Variants in MAML3 observed in about 807,000 individuals in gnomAD.
The protein encoded by MAML3 is mastermind like transcriptional coactivator 3, also known as mastermind-like protein 3.
Under a neutral mutation model 101.9 loss-of-function variants are expected in MAML3, and 27 were observed. The ratio of observed to expected loss-of-function variants is 0.27; its 90% CI spans 0.20 to 0.37. The LOEUF (loss-of-function observed/expected upper bound fraction) is 0.37. Ranked by LOEUF, MAML3 falls within the 10% of genes least tolerant of loss-of-function variation. The pLI is 1.00. For missense variants in MAML3, 1,316 were observed against 1,444.9 expected (o/e 0.91, Z 1.45); for synonymous variants, 501 against 555.9 (o/e 0.90, Z 1.39).
chr4:139,864,140 A>C (rs2111169057), intron 2 of MAML3, among the ~76,000 whole-genome samples: 1 of 152,350 alleles, frequency 6.6e-6, no homozygotes, highest in East Asian at 1.9e-4. Context: ...ACTTAATAAC[A>C]TTTGTAAAAG....
chr4:140,010,184 T>C (rs182812134), intron 1 of MAML3, among the ~76,000 whole-genome samples: 2 of 152,348 alleles, frequency 1.3e-5, no homozygotes, highest in African/African-American at 2.4e-5. Flanking sequence ...AAAAAATTAA[T>C]GTGTACCACA....
chr4:140,152,929 C>T lies in MAML3; in HGVS notation c.399G>A (p.Gln133=), dbSNP rs752608208. ...CATCTTGCTGGGGTTTGCTCGGGTG[C>T]TGCTGTTTGCCGGTGCCGGCGCCCG... ...KKSGAGTGKQ[Q]HPSKPQQDAE... The change falls in exon 1 of 5, where the codon CAG becomes CAA. Residue 133 remains glutamine, a synonymous_variant. Transcript: ENST00000509479. 6.2e-7 allele frequency: 1 copy of T among 1,612,854 alleles called. No individual in the cohort carries two copies. The highest frequency in any genetic ancestry group is 1.1e-5 in the South Asian group (1 of 90,974).
At chr4:139,811,750 C>T (rs193081120) in intron 2 of MAML3, among the ~76,000 whole-genome samples, 21 of 152,288 alleles carry the variant, frequency 1.4e-4, no homozygotes, top group African/African-American at 7.2e-5. Context: ...TTACTTCTCA[C>T]ACTCCACAAA....
intron 1 of MAML3, among the ~76,000 whole-genome samples, chr4:140,151,203 G>A (rs1055141655): frequency 6.6e-6 from 1 of 152,056 alleles, no homozygotes; most frequent in Non-Finnish European, 1.5e-5. Context: ...GGAGGAGGAA[G>A]GGAGGAGGAA....
intron 1 of MAML3, among the ~76,000 whole-genome samples, chr4:140,082,981 T>C (rs951058040): frequency 6.6e-6 from 1 of 152,214 alleles, no homozygotes; most frequent in African/African-American, 2.4e-5. Context: ...GGGTGTGCTA[T>C]TACTACTTTT....
chr4:140,108,800 T>A (rs1578688852), intron 1 of MAML3, among the ~76,000 whole-genome samples: 1 of 151,946 alleles, frequency 6.6e-6, no homozygotes, highest in Non-Finnish European at 1.5e-5. Flanking sequence ...CCAAAGAAGA[T>A]AACTTAAGTG....
At chr4:139,901,782 GGA>G (rs1732726401) in intron 1 of MAML3, among the ~76,000 whole-genome samples, 1 of 152,230 alleles carries the variant, frequency 6.6e-6, no homozygotes, top group South Asian at 2.1e-4. Flanking sequence ...GAGGCGGGAA[GGA>G]GCAATATTTC....
At chr4:139,741,644 G>C (rs1729167801) in intron 2 of MAML3, among the ~76,000 whole-genome samples, 1 of 152,168 alleles carries the variant, frequency 6.6e-6, no homozygotes, top group African/African-American at 2.4e-5. Flanking sequence ...TTACTCAGGA[G>C]GCTGAGGTGG....
At chr4:140,035,002 C>G (rs1056889852) in intron 1 of MAML3, among the ~76,000 whole-genome samples, 1 of 152,156 alleles carries the variant, frequency 6.6e-6, no homozygotes, top group East Asian at 1.9e-4. Context: ...TGGAGTCTTG[C>G]TCTATTGCCC....
intron 1 of MAML3, among the ~76,000 whole-genome samples, chr4:140,148,636 A>G (rs1729104079): frequency 6.6e-6 from 1 of 152,202 alleles, no homozygotes; most frequent in South Asian, 2.1e-4. Context: ...AAAAAAATTG[A>G]TACAGAGCCA....
intron 1 of MAML3, among the ~76,000 whole-genome samples, chr4:140,084,631 G>T (rs1052753148): frequency 6.6e-6 from 1 of 151,060 alleles, no homozygotes; most frequent in Non-Finnish European, 1.5e-5. Flanking sequence ...TTTTCACCTC[G>T]TTACTATGAA....
chr4:140,069,519 GAA>G (rs1727603803), intron 1 of MAML3, among the ~76,000 whole-genome samples: 1 of 105,886 alleles, frequency 9.4e-6, no homozygotes, highest in African/African-American at 4.4e-5. Flanking sequence ...AGAAGGAGGA[GAA>G]GGAGAAGGAG....
chr4:140,127,173 C>T (rs948157030), intron 1 of MAML3, among the ~76,000 whole-genome samples: 1 of 152,246 alleles, frequency 6.6e-6, no homozygotes, highest in Non-Finnish European at 1.5e-5. Context: ...CCAGCCTCTT[C>T]TTCCACCACT....
At chr4:139,845,444 T>G (rs544665599) in intron 2 of MAML3, among the ~76,000 whole-genome samples, 1 of 152,328 alleles carries the variant, frequency 6.6e-6, no homozygotes, top group African/African-American at 2.4e-5. Flanking sequence ...AAAAATTAAA[T>G]AAGTGCAAGG....
intron 1 of MAML3, among the ~76,000 whole-genome samples, chr4:139,936,887 G>A (rs1733518262): frequency 6.6e-6 from 1 of 152,090 alleles, no homozygotes; most frequent in Non-Finnish European, 1.5e-5. Flanking sequence ...AAGAACCAAG[G>A]CCATTAGAAA....
chr4:139,893,148 G>A (rs567618463), intron 1 of MAML3, among the ~76,000 whole-genome samples: 2 of 152,142 alleles, frequency 1.3e-5, no homozygotes, highest in African/African-American at 4.8e-5. Flanking sequence ...TCACCTTTAC[G>A]GTGCTAAGCT....
At chr4:139,861,943 C>T (rs1731791758) in intron 2 of MAML3, among the ~76,000 whole-genome samples, 1 of 152,124 alleles carries the variant, frequency 6.6e-6, no homozygotes, top group South Asian at 2.1e-4. Flanking sequence ...GGTGCAGTGG[C>T]TCATCCTATA....
At chr4:140,083,392 C>A (rs1727894539) in intron 1 of MAML3, among the ~76,000 whole-genome samples, 1 of 152,234 alleles carries the variant, frequency 6.6e-6, no homozygotes, top group Non-Finnish European at 1.5e-5. Flanking sequence ...CACTCCCATG[C>A]ATGCCATTCC....
chr4:140,092,062 TTATATATATA>T (rs1167924085), intron 1 of MAML3, among the ~76,000 whole-genome samples: 2 of 139,254 alleles, frequency 1.4e-5, no homozygotes, highest in East Asian at 2.0e-4. Flanking sequence ...GATAAAAACT[TTATATATATA>T]TACGTATATA....
Sources: gnomAD v4.1 joint callset for allele counts (sites outside exome capture counted in the v4.1 genomes callset) on GRCh38, gnomAD v4.1.1 for gene constraint, MANE v1.5 for transcripts, NCBI Gene and HGNC (gene_info 2026-07-23, HGNC 2026-07-21) for gene names.